SMYD3: variants seen among roughly 807,000 people sequenced by gnomAD.
The protein encoded by SMYD3 is histone-lysine N-methyltransferase SMYD3.
SMYD3 carries 36 observed loss-of-function variants against 57.7 expected under a neutral mutation model. The ratio of observed to expected loss-of-function variants is 0.62; its 90% CI spans 0.48 to 0.82. SMYD3 has a LOEUF of 0.82. Among genes scored for constraint, SMYD3 ranks in the 40% least tolerant of loss-of-function variants. SMYD3 has a pLI of 0.00. For synonymous variants in SMYD3, 211 were observed against 195.0 expected (o/e 1.08, Z -0.68); for missense variants, 515 against 538.8 (o/e 0.96, Z 0.44).
At chr1:245,921,547 G>GTATATATATATACA (rs1491323831) in intron 7 of SMYD3, among the ~76,000 whole-genome samples, 1 of 35,088 alleles carries the variant, frequency 2.8e-5, no homozygotes, top group South Asian at 8.7e-4. Context: ...AAAAAATGTG[G>GTATATATATATACA]TGTATATATA....
intron 5 of SMYD3, among the ~76,000 whole-genome samples, chr1:246,146,476 C>G (rs1237843640): frequency 6.6e-6 from 1 of 152,170 alleles, no homozygotes; most frequent in Non-Finnish European, 1.5e-5. Flanking sequence ...CCTTCTCCGC[C>G]AAGTGCCAAC....
At chr1:245,767,202 G>C (rs1338049213) in intron 10 of SMYD3, among the ~76,000 whole-genome samples, 1 of 151,440 alleles carries the variant, frequency 6.6e-6, no homozygotes, top group Non-Finnish European at 1.5e-5. Context: ...CTTTTGATAG[G>C]ATTGTCAAAA....
chr1:246,502,810 C>T (rs1055894412), intron 1 of SMYD3, among the ~76,000 whole-genome samples: 1 of 152,150 alleles, frequency 6.6e-6, no homozygotes, highest in African/African-American at 2.4e-5. Flanking sequence ...GCTCTCATCC[C>T]TGGAGTCTGT....
At position 246,355,171 on chromosome 1, in the gene SMYD3, G is replaced by C; in HGVS notation, c.165-77C>G. 7.1e-7 allele frequency: 1 copy of C among 1,405,954 alleles called. No individual in the cohort carries two copies. The highest frequency in any genetic ancestry group is 1.0e-6 in the Non-Finnish European group (1 of 992,424). The allele number at this position is 1,405,954 out of a possible 1,614,324, so 87.1% of individuals were successfully genotyped here. On this transcript the variant is annotated intron_variant, in intron 1 of 11. Transcript: ENST00000490107. This position sits in a 1 kb window ranked among gnomAD's most constrained non-coding sequence, Gnocchi z 5.0. ...ACATAGTTGAAGAAAGAAAACATAA[G>C]TCAACATACGGACACCCGTATGTTC...
At chr1:246,030,959 G>C (rs903994967) in intron 5 of SMYD3, among the ~76,000 whole-genome samples, 1 of 152,074 alleles carries the variant, frequency 6.6e-6, no homozygotes, top group Non-Finnish European at 1.5e-5. Context: ...GTTTAGTGGG[G>C]GTGCACAAGC....
At chr1:246,358,848 C>T (rs1339813451) in intron 1 of SMYD3, among the ~76,000 whole-genome samples, 1 of 152,152 alleles carries the variant, frequency 6.6e-6, no homozygotes, top group Non-Finnish European at 1.5e-5. Context: ...CATTAAATGC[C>T]TACATCGAAA....
intron 5 of SMYD3, among the ~76,000 whole-genome samples, chr1:246,261,047 TGTTGTTG>T (rs1558357961): frequency 8.4e-6 from 1 of 118,616 alleles, no homozygotes; most frequent in East Asian, 3.3e-4. Context: ...TGGGTTTTGT[TGTTGTTG>T]TTGTTGTTGT....
intron 5 of SMYD3, among the ~76,000 whole-genome samples, chr1:245,980,127 TACA>T (rs1054968569): frequency 1.3e-5 from 2 of 152,188 alleles, no homozygotes; most frequent in African/African-American, 4.8e-5. Flanking sequence ...CCTGCTGAAT[TACA>T]ACGAGGGGGA....
chr1:246,341,100 T>C (rs1010665158), intron 2 of SMYD3, among the ~76,000 whole-genome samples: 14 of 152,256 alleles, frequency 9.2e-5, no homozygotes, highest in African/African-American at 3.4e-4. Context: ...TCTTTATAGC[T>C]TTCCATTACT....
Position 246,019,428 on chromosome 1 carries a change from G to T in SMYD3, c.532-89491C>A, listed in dbSNP as rs2059431240. On this transcript the variant is annotated intron_variant, in intron 5 of 11. Transcript: ENST00000490107. The stretch of plus-strand genomic sequence containing the variant: ...CATTAGAAAAGAAAGGCTAAAAGAG[G>T]AATATTTTTCATGTAGGCAATGACT... 2.0e-5 allele frequency among the ~76,000 whole-genome samples: 3 copies of T among 152,282 alleles called. No homozygotes were observed. In the South Asian group the frequency reaches 6.2e-4, roughly 32 times the overall value.
At chr1:246,260,624 G>C (rs2063989137) in intron 5 of SMYD3, among the ~76,000 whole-genome samples, 2 of 152,020 alleles carry the variant, frequency 1.3e-5, no homozygotes, top group Admixed American at 1.3e-4. Context: ...GTAGAGATGG[G>C]GTTTCACCAT....
At chr1:246,017,938 C>T (rs2148216144) in intron 5 of SMYD3, among the ~76,000 whole-genome samples, 1 of 152,328 alleles carries the variant, frequency 6.6e-6, no homozygotes, top group East Asian at 1.9e-4. Context: ...GCTATATCCT[C>T]ATCTTTGGAC....
chr1:246,107,982 T>C (rs2061161229), intron 5 of SMYD3, among the ~76,000 whole-genome samples: 2 of 152,168 alleles, frequency 1.3e-5, no homozygotes, highest in Non-Finnish European at 2.9e-5. Context: ...CTTTACTGAG[T>C]TGTCACTAAG....
chr1:246,056,375 A>G (rs1269269149), intron 5 of SMYD3, among the ~76,000 whole-genome samples: 1 of 152,156 alleles, frequency 6.6e-6, no homozygotes, highest in Non-Finnish European at 1.5e-5. Context: ...ACAAATACTT[A>G]GATAACCTCC....
rs534178334 is a variant in SMYD3 at position 246,253,246 on chromosome 1, A to T, written c.531+73955T>A. Among the ~76,000 whole-genome samples the T allele has an allele frequency of 2.6e-5, 4 of 152,306 alleles. No homozygotes were observed. The South Asian group carries it at 8.3e-4, about 32-fold the overall frequency. On this transcript the variant is annotated intron_variant, in intron 5 of 11. Transcript: ENST00000490107. ...CCAGGTAGTGAACACAGTTTCCACCAGTTAGGTTTTCAACCCTTGCTCCCT... is the reference window on the plus strand; with the variant it reads ...CCAGGTAGTGAACACAGTTTCCACCTGTTAGGTTTTCAACCCTTGCTCCCT...
chr1:246,153,490 C>T (rs376702715), intron 5 of SMYD3, among the ~76,000 whole-genome samples: 1 of 152,124 alleles, frequency 6.6e-6, no homozygotes, highest in South Asian at 2.1e-4. Flanking sequence ...GATTGCTTTT[C>T]AGGGTTTCAC....
chr1:245,965,746 A>T (rs2058127714), intron 5 of SMYD3, among the ~76,000 whole-genome samples: 1 of 152,212 alleles, frequency 6.6e-6, no homozygotes, highest in Non-Finnish European at 1.5e-5. Context: ...AGAGATGAAC[A>T]GGTGGAACAT....
chr1:245,787,206 G>A (rs1046666258), intron 10 of SMYD3, among the ~76,000 whole-genome samples: 1 of 152,160 alleles, frequency 6.6e-6, no homozygotes, highest in Non-Finnish European at 1.5e-5. Context: ...GATTCTTAAC[G>A]CTTGTGCAAA....
intron 5 of SMYD3, among the ~76,000 whole-genome samples, chr1:246,076,535 A>G (rs1348858294): frequency 1.3e-5 from 2 of 152,222 alleles, no homozygotes; most frequent in East Asian, 3.8e-4. Flanking sequence ...TATATAGTCA[A>G]TCAACTAGTA....
Sources: allele counts gnomAD v4.1 joint callset (sites outside exome capture counted in the v4.1 genomes callset), GRCh38; gene constraint gnomAD v4.1.1; non-coding constraint Gnocchi (gnomAD v3.1); transcripts MANE v1.5; gene names NCBI Gene and HGNC (gene_info 2026-07-23, HGNC 2026-07-21).